The following HDAC9 variants were observed in gnomAD, a reference collection of about 807,000 sequenced individuals.
The protein encoded by HDAC9 is histone deacetylase 9, also known as MEF-2 interacting transcription repressor (MITR) protein.
A neutral mutation model predicts 139.4 loss-of-function variants in HDAC9; 41 were observed. The observed-to-expected ratio is 0.29, with a 90% CI of 0.23 to 0.38. HDAC9 has a LOEUF of 0.38. HDAC9 is among the 10% of genes least tolerant of loss of function. The probability of loss-of-function intolerance (pLI) is 1.00; values close to 1 mark genes in which losing one functional copy is unlikely to be tolerated. For missense variants in HDAC9, 1,147 were observed against 1,297.0 expected, an observed-to-expected ratio of 0.88 and a Z score of 1.78; for synonymous variants, 517 against 476.2, an observed-to-expected ratio of 1.09 and a Z score of -1.12.
intron 22 of HDAC9, among the ~76,000 whole-genome samples, chr7:18,926,126 A>G (rs751010325): frequency 1.3e-5 from 2 of 152,152 alleles, no homozygotes; most frequent in Non-Finnish European, 2.9e-5. Flanking sequence ...AGGCAGGAGG[A>G]TTGCTTCAGG....
intron 22 of HDAC9, among the ~76,000 whole-genome samples, chr7:18,923,285 AG>A (rs1373129744): frequency 2.6e-5 from 4 of 152,082 alleles, no homozygotes; most frequent in Non-Finnish European, 5.9e-5. Context: ...TTAGAGCAAT[AG>A]ACTCAACAGC....
intron 2 of HDAC9, among the ~76,000 whole-genome samples, chr7:18,570,116 G>T (rs1163446246): frequency 1.3e-5 from 2 of 152,120 alleles, no homozygotes; most frequent in East Asian, 1.9e-4. Context: ...TTACCAGGCA[G>T]TCTTTACCTG....
chr7:18,949,759 A>T (rs17140370), intron 23 of HDAC9: 14,213 of 152,046 alleles, frequency 0.093, 878 homozygotes, highest in East Asian at 0.3. Context: ...CAAATCTTCT[A>T]TGGGTTTGTG....
At chr7:18,947,664 A>T (rs1563078420) in intron 23 of HDAC9, among the ~76,000 whole-genome samples, 1 of 152,018 alleles carries the variant, frequency 6.6e-6, no homozygotes, top group Non-Finnish European at 1.5e-5. Flanking sequence ...AGGAAATTCT[A>T]CCAGGAATTT....
chr7:18,830,516 T>C (rs929542714), intron 19 of HDAC9, among the ~76,000 whole-genome samples: 1 of 152,226 alleles, frequency 6.6e-6, no homozygotes, highest in African/African-American at 2.4e-5. Context: ...AATTAAATCT[T>C]ATTGGAAGTC....
At chr7:18,376,887 C>T (rs866862548) in intron 1 of HDAC9, among the ~76,000 whole-genome samples, 8 of 152,034 alleles carry the variant, frequency 5.3e-5, no homozygotes, top group Middle Eastern at 6.8e-3. Flanking sequence ...ATTATAGCAG[C>T]GTAACTTAGG....
chr7:18,921,622 T>C (rs1489518260), intron 22 of HDAC9, among the ~76,000 whole-genome samples: 1 of 152,168 alleles, frequency 6.6e-6, no homozygotes, highest in Non-Finnish European at 1.5e-5. Flanking sequence ...ACTTTTACAC[T>C]GTTGGTGGGA....
chr7:18,543,013 C>T (rs7784812), intron 2 of HDAC9, among the ~76,000 whole-genome samples: 20 of 152,126 alleles, frequency 1.3e-4, no homozygotes, highest in African/African-American at 3.9e-4. Context: ...GAGAATGCTC[C>T]GACTATGGTA....
chr7:18,453,439 A>G (rs1428431992), intron 1 of HDAC9, among the ~76,000 whole-genome samples: 3 of 152,106 alleles, frequency 2.0e-5, no homozygotes, highest in Non-Finnish European at 4.4e-5. Context: ...ATAGGCAAAT[A>G]TTTTTTTCCT....
chr7:18,529,583 A>T (rs1808170453), intron 2 of HDAC9, among the ~76,000 whole-genome samples: 1 of 152,232 alleles, frequency 6.6e-6, no homozygotes, highest in Non-Finnish European at 1.5e-5. Context: ...AATAACTTTA[A>T]CATAACAGAA....
chr7:18,638,976 C>T (rs1197758165), intron 8 of HDAC9, among the ~76,000 whole-genome samples: 2 of 152,046 alleles, frequency 1.3e-5, no homozygotes, highest in African/African-American at 4.8e-5. Flanking sequence ...GATATCAACA[C>T]TATTACTTTA....
chr7:18,506,892 T>C (rs1001063366), intron 2 of HDAC9, among the ~76,000 whole-genome samples: 6 of 152,126 alleles, frequency 3.9e-5, no homozygotes, highest in African/African-American at 1.4e-4. Flanking sequence ...CCTCTTGATG[T>C]TCCCAGCAAG....
intron 12 of HDAC9, among the ~76,000 whole-genome samples, chr7:18,710,875 T>G (rs1784295173): frequency 6.6e-6 from 1 of 152,238 alleles, no homozygotes; most frequent in Admixed American, 6.5e-5. Flanking sequence ...GGAATATATA[T>G]ATACATGTGT....
chr7:18,808,553 C>T (rs1342212394), intron 17 of HDAC9, among the ~76,000 whole-genome samples: 2 of 151,920 alleles, frequency 1.3e-5, no homozygotes, highest in African/African-American at 4.8e-5. Context: ...ATCCCACTTA[C>T]AATAGCTACA....
At chr7:18,470,760 C>A (rs1255550022) in intron 1 of HDAC9, among the ~76,000 whole-genome samples, 1 of 152,100 alleles carries the variant, frequency 6.6e-6, no homozygotes, top group Non-Finnish European at 1.5e-5. Flanking sequence ...TTTGCCCCAC[C>A]CCTGACTTGG....
intron 24 of HDAC9, among the ~76,000 whole-genome samples, chr7:18,958,826 AGTCCATTT>A (rs1191260755): frequency 6.6e-6 from 1 of 152,188 alleles, no homozygotes; most frequent in Admixed American, 6.5e-5. Context: ...AATACATGAG[AGTCCATTT>A]CCTCTCCTTT....
rs141054320 is a variant in HDAC9 at position 18,661,449 on chromosome 7, A to C, written c.1468-4764A>C. ...GGGAGAGATTGGAATTGCTCCTATT[A>C]ATCCAGTTGTCATGAGAATATATAG... On this transcript the variant is annotated intron_variant, in intron 11 of 25. Coordinates refer to ENST00000686413, the MANE Select transcript of HDAC9 (RefSeq NM_178425.4). 6.6e-3 allele frequency among the ~76,000 whole-genome samples: 1,012 copies of C among 152,202 alleles called. 10 individuals are homozygous for C. Among genetic ancestry groups the C allele is most frequent in the African/African-American group, 0.023 (968 of 41,542 alleles).
chr7:18,828,686 A>T (rs555126481), intron 17 of HDAC9, among the ~76,000 whole-genome samples: 1 of 152,174 alleles, frequency 6.6e-6, no homozygotes, highest in Non-Finnish European at 1.5e-5. Context: ...GTGTAAATTT[A>T]TCATTTTACT....
At chr7:18,420,977 AGCATAATGAGGGCATGC>A (rs1001770223) in intron 1 of HDAC9, among the ~76,000 whole-genome samples, 21 of 152,204 alleles carry the variant, frequency 1.4e-4, no homozygotes, top group Admixed American at 1.4e-3. Flanking sequence ...GCAAAGATAT[AGCATAATGAGGGCATGC>A]CTAGACATGC....
Sources: allele counts gnomAD v4.1 joint callset (sites outside exome capture counted in the v4.1 genomes callset), GRCh38; gene constraint gnomAD v4.1.1; transcripts MANE v1.5; gene names NCBI Gene and HGNC (gene_info 2026-07-23, HGNC 2026-07-21).